TTC7B: variants seen among roughly 807,000 people sequenced by gnomAD.
TTC7B encodes tetratricopeptide repeat protein 7B.
Under a neutral mutation model 106.8 loss-of-function variants are expected in TTC7B, and 28 were observed. The observed-to-expected ratio is 0.26, with a 90% CI of 0.19 to 0.36. TTC7B has a LOEUF of 0.36. Ranked by LOEUF, TTC7B falls within the 10% of genes least tolerant of loss-of-function variation. The pLI is 1.00. For synonymous variants in TTC7B, 405 were observed against 430.6 expected (o/e 0.94, Z 0.74); for missense variants, 862 against 1,076.4 (o/e 0.80, Z 2.79).
chr14:90,591,581 C>T (rs949364034), intron 18 of TTC7B, among the ~76,000 whole-genome samples: 1 of 152,182 alleles, frequency 6.6e-6, no homozygotes, highest in Admixed American at 6.5e-5. Flanking sequence ...GCACCACCTT[C>T]GAGGTCAGGG....
At chr14:90,776,140 G>GAC (rs370873395) in intron 3 of TTC7B, among the ~76,000 whole-genome samples, 6,947 of 140,284 alleles carry the variant, frequency 0.05, 268 homozygotes, top group Admixed American at 0.13. Flanking sequence ...GGCCCCCCGT[G>GAC]ACACACACAC....
At chr14:90,627,815 C>T (rs1225367184) in intron 15 of TTC7B, among the ~76,000 whole-genome samples, 1 of 152,184 alleles carries the variant, frequency 6.6e-6, no homozygotes, top group East Asian at 1.9e-4. Flanking sequence ...CAAGAAACCC[C>T]AGTTTGGCTC....
chr14:90,567,048 G>A (rs1890829513), intron 19 of TTC7B, among the ~76,000 whole-genome samples: 1 of 151,946 alleles, frequency 6.6e-6, no homozygotes, highest in Non-Finnish European at 1.5e-5. Context: ...CGGGGGCGGG[G>A]AGGGGTGGTC....
chr14:90,708,302 G>C (rs1888297300), intron 5 of TTC7B, among the ~76,000 whole-genome samples: 1 of 152,154 alleles, frequency 6.6e-6, no homozygotes, highest in African/African-American at 2.4e-5. Context: ...CCTTCTATTG[G>C]AAGAAAATGT....
At chr14:90,625,656 C>T (rs1180632313) in intron 15 of TTC7B, among the ~76,000 whole-genome samples, 3 of 152,162 alleles carry the variant, frequency 2.0e-5, no homozygotes, top group South Asian at 4.1e-4. Context: ...CAAATCACCC[C>T]GAGGCCCCTC....
At chr14:90,647,046 T>C in intron 13 of TTC7B, 23 bp from the exon 14 acceptor site, 1 of 1,612,558 alleles carries the variant, frequency 6.2e-7, no homozygotes, top group South Asian at 1.1e-5. Context: ...TTACGGCTAT[T>C]AGTACATGGG....
intron 18 of TTC7B, among the ~76,000 whole-genome samples, chr14:90,586,660 C>G (rs935390920): frequency 1.3e-5 from 2 of 152,212 alleles, no homozygotes; most frequent in Non-Finnish European, 2.9e-5. Flanking sequence ...GTCTTAGCAC[C>G]TATCTTAGGC....
intron 5 of TTC7B, among the ~76,000 whole-genome samples, chr14:90,725,544 T>C (rs997612321): frequency 2.0e-5 from 3 of 152,224 alleles, no homozygotes; most frequent in African/African-American, 7.2e-5. Context: ...AGTGGTCTAT[T>C]TGTTTGATTA....
intron 18 of TTC7B, among the ~76,000 whole-genome samples, chr14:90,592,446 C>T (rs1024773282): frequency 2.0e-5 from 3 of 152,190 alleles, no homozygotes; most frequent in Admixed American, 6.5e-5. Flanking sequence ...CGGTGGCTCA[C>T]GCCTGTAATC....
chr14:90,782,779 T>C (rs933546934), intron 2 of TTC7B, among the ~76,000 whole-genome samples: 4 of 152,134 alleles, frequency 2.6e-5, no homozygotes, highest in African/African-American at 7.2e-5. Flanking sequence ...GGAGTTAGCA[T>C]TAATGGACAC....
chr14:90,695,665 C>T, intron 5 of TTC7B, 87 bp from the exon 6 acceptor site: 1 of 786,364 alleles, frequency 1.3e-6, no homozygotes, highest in Non-Finnish European at 1.9e-6. Flanking sequence ...ATTTTGTCTG[C>T]ATAAAAGCTG....
intron 15 of TTC7B, among the ~76,000 whole-genome samples, chr14:90,642,096 A>G (rs543515513): frequency 2.4e-4 from 36 of 152,344 alleles, no homozygotes; most frequent in African/African-American, 7.9e-4. Context: ...TTAAGGTTCC[A>G]TGGGATAAAC....
At chr14:90,770,394 C>T (rs866204830) in intron 3 of TTC7B, among the ~76,000 whole-genome samples, 17 of 152,256 alleles carry the variant, frequency 1.1e-4, no homozygotes, top group African/African-American at 2.6e-4. Flanking sequence ...CGGTGGCTCA[C>T]GCCTGTAATC....
At chr14:90,754,587 G>A (rs1890230007) in intron 3 of TTC7B, among the ~76,000 whole-genome samples, 1 of 152,102 alleles carries the variant, frequency 6.6e-6, no homozygotes, top group Admixed American at 6.5e-5. Flanking sequence ...CAGCTTGATT[G>A]AGATATTATT....
chr14:90,670,932 C>A (rs530612432), intron 9 of TTC7B, among the ~76,000 whole-genome samples: 1 of 152,236 alleles, frequency 6.6e-6, no homozygotes, highest in African/African-American at 2.4e-5. Context: ...ATCTAGGGAC[C>A]TCTAAAACCA....
intron 15 of TTC7B, among the ~76,000 whole-genome samples, chr14:90,636,235 T>A (rs1884936656): frequency 6.6e-6 from 1 of 152,040 alleles, no homozygotes; most frequent in African/African-American, 2.4e-5. Context: ...TGTACAGATA[T>A]ATGGCTACAC....
intron 3 of TTC7B, among the ~76,000 whole-genome samples, chr14:90,771,956 AAT>A (rs1595362920): frequency 7.1e-6 from 1 of 141,046 alleles, no homozygotes; most frequent in African/African-American, 2.8e-5. Flanking sequence ...ATTTTATATA[AAT>A]ATATAATTAT....
At chr14:90,746,139 G>C (rs1208173259) in intron 3 of TTC7B, among the ~76,000 whole-genome samples, 1 of 152,070 alleles carries the variant, frequency 6.6e-6, no homozygotes, top group African/African-American at 2.4e-5. Context: ...TTTTCTGAGA[G>C]TGTTTGTGTA....
At chr14:90,764,471 C>G (rs982538266) in intron 3 of TTC7B, among the ~76,000 whole-genome samples, 10 of 151,806 alleles carry the variant, frequency 6.6e-5, no homozygotes, top group African/African-American at 2.2e-4. Flanking sequence ...TGGACTTAAT[C>G]AAAATGAAAA....
Sources: gnomAD v4.1 joint callset for allele counts (sites outside exome capture counted in the v4.1 genomes callset) on GRCh38, gnomAD v4.1.1 for gene constraint, MANE v1.5 for transcripts, NCBI Gene and HGNC (gene_info 2026-07-23, HGNC 2026-07-21) for gene names.